The following ADD2 variants were observed in gnomAD, a reference collection of about 807,000 sequenced individuals.
ADD2 encodes beta-adducin.
ADD2 carries 23 observed loss-of-function variants against 83.0 expected under a neutral mutation model. The ratio of observed to expected loss-of-function variants is 0.28; its 90% CI spans 0.20 to 0.39. The LOEUF (loss-of-function observed/expected upper bound fraction) is 0.39. ADD2 is among the 10% of genes least tolerant of loss of function. The pLI, the probability that ADD2 is intolerant of heterozygous loss-of-function variation, is 1.00. For missense variants in ADD2, 758 were observed against 944.9 expected (o/e 0.80, Z 2.59); for synonymous variants, 375 against 375.4 (o/e 1.00, Z 0.01).
chr2:70,685,381 G>A (rs535629419), intron 9 of ADD2, among the ~76,000 whole-genome samples: 3 of 152,212 alleles, frequency 2.0e-5, no homozygotes, highest in East Asian at 1.9e-4. Flanking sequence ...ATGAAGAGAA[G>A]GAAGCAAGAA....
At chr2:70,755,522 C>T (rs1034171908) in intron 1 of ADD2, among the ~76,000 whole-genome samples, 1 of 152,166 alleles carries the variant, frequency 6.6e-6, no homozygotes, top group Non-Finnish European at 1.5e-5. Context: ...ACTCTTGGCT[C>T]GTGGCATCCC....
intron 1 of ADD2, among the ~76,000 whole-genome samples, chr2:70,733,149 T>G (rs1553379603): frequency 6.6e-6 from 1 of 152,256 alleles, no homozygotes; most frequent in Non-Finnish European, 1.5e-5. Context: ...GGGCCATTTC[T>G]ATTAGATTTG....
At chr2:70,746,169 T>G (rs529597568) in intron 1 of ADD2, among the ~76,000 whole-genome samples, 22 of 152,320 alleles carry the variant, frequency 1.4e-4, no homozygotes, top group African/African-American at 4.3e-4. Context: ...CAACTTGCTT[T>G]GTAAGGCCCA....
chr2:70,737,468 C>T (rs1243789294), intron 1 of ADD2, among the ~76,000 whole-genome samples: 68 of 150,904 alleles, frequency 4.5e-4, no homozygotes, highest in African/African-American at 1.5e-3. Flanking sequence ...AGCAGACTAT[C>T]GCAAGGACAA....
At chr2:70,667,854 G>A (rs1276398384) in intron 15 of ADD2, among the ~76,000 whole-genome samples, 1 of 152,008 alleles carries the variant, frequency 6.6e-6, no homozygotes, top group Admixed American at 6.5e-5. Context: ...CCGGACCTCA[G>A]GCGATCCACC....
At chr2:70,673,363 A>G (rs781946171) in intron 14 of ADD2, 4 of 1,596,242 alleles carry the variant, frequency 2.5e-6, no homozygotes. Flanking sequence ...TGTCGTGAGC[A>G]CAGAGCACAT....
intron 1 of ADD2, among the ~76,000 whole-genome samples, chr2:70,729,483 C>T (rs531906840): frequency 5.9e-5 from 9 of 152,234 alleles, no homozygotes; most frequent in African/African-American, 2.2e-4. Context: ...CATAGCCCAA[C>T]CTCTTCCCCA....
Position 70,662,556 on chromosome 2 carries a change from T to C in ADD2, c.*869A>G, listed in dbSNP as rs1553365199. Reference sequence around the variant, plus strand: ...GCTAGAAAGTCAGCATTTCCTCTGTTGTTTTGATCCTCCTTATACAACCCA... The same window carrying C: ...GCTAGAAAGTCAGCATTTCCTCTGTCGTTTTGATCCTCCTTATACAACCCA... On this transcript the variant is annotated 3_prime_UTR_variant, in exon 16 of 16. Transcript: ENST00000264436. 1 of 152,248 alleles carries C rather than the reference T, an allele frequency of 6.6e-6. No homozygotes were observed. The highest frequency in any genetic ancestry group is 1.9e-4 in the East Asian group (1 of 5,204). 9.4% of individuals were successfully genotyped at this position (152,248 alleles called of 1,614,324 possible).
At chr2:70,671,388 C>T (rs868968095) in intron 15 of ADD2, among the ~76,000 whole-genome samples, 34 of 152,072 alleles carry the variant, frequency 2.2e-4, no homozygotes, top group Admixed American at 1.2e-3. Context: ...GAAGCCTAAT[C>T]CATGCATAGT....
At chr2:70,732,666 C>G (rs3771421) in intron 1 of ADD2, among the ~76,000 whole-genome samples, 45,974 of 151,950 alleles carry the variant, frequency 0.3, 7,908 homozygotes, top group East Asian at 0.57. Context: ...CAGTAAGGTC[C>G]CCGGGGGCTG....
At chr2:70,663,820 A>G in intron 15 of ADD2, 85 bp from the exon 16 acceptor site, 1 of 1,384,662 alleles carries the variant, frequency 7.2e-7, no homozygotes, top group Non-Finnish European at 9.7e-7. Flanking sequence ...ATTTCTAGGG[A>G]ATTCTATAAA....
At chr2:70,701,730 A>T (rs1671594134) in intron 4 of ADD2, among the ~76,000 whole-genome samples, 1 of 152,150 alleles carries the variant, frequency 6.6e-6, no homozygotes, top group Non-Finnish European at 1.5e-5. Flanking sequence ...ATTTATCTTA[A>T]ATGAGAACTA....
intron 15 of ADD2, among the ~76,000 whole-genome samples, chr2:70,669,681 T>C (rs782248211): frequency 2.6e-5 from 4 of 152,142 alleles, no homozygotes; most frequent in East Asian, 3.8e-4. Context: ...GCAAAACCAA[T>C]AGAATGCAGT....
chr2:70,725,411 T>C (rs1672937484), intron 1 of ADD2, among the ~76,000 whole-genome samples: 1 of 152,118 alleles, frequency 6.6e-6, no homozygotes, highest in Non-Finnish European at 1.5e-5. Context: ...GCCAAAAATA[T>C]ATATATATAT....
At chr2:70,697,531 G>A (rs1205980320) in intron 4 of ADD2, among the ~76,000 whole-genome samples, 1 of 152,094 alleles carries the variant, frequency 6.6e-6, no homozygotes, top group Non-Finnish European at 1.5e-5. Flanking sequence ...ACTAATAAGA[G>A]AATCAATAGG....
chr2:70,737,505 C>T (rs1171741213), intron 1 of ADD2, among the ~76,000 whole-genome samples: 4 of 141,234 alleles, frequency 2.8e-5, no homozygotes, highest in Admixed American at 1.6e-4. Flanking sequence ...TGTTCTCACT[C>T]ATAGGTGGGA....
At chr2:70,695,829 G>A (rs374701835) in intron 5 of ADD2, 28 bp from the exon 6 acceptor site, 2 of 1,597,926 alleles carry the variant, frequency 1.3e-6, no homozygotes, top group Non-Finnish European at 1.7e-6. Flanking sequence ...GTTCTCAGGG[G>A]CAAGGAGGGA....
chr2:70,677,920 C>T (rs782130731), intron 11 of ADD2, 43 bp from the exon 12 acceptor site: 40 of 1,611,984 alleles, frequency 2.5e-5, no homozygotes, highest in Middle Eastern at 3.3e-4. Context: ...AGGGAACAGG[C>T]CCATGAGTCC....
At chr2:70,746,115 A>G (rs1861451) in intron 1 of ADD2, among the ~76,000 whole-genome samples, 40,429 of 152,048 alleles carry the variant, frequency 0.27, 5,934 homozygotes, top group East Asian at 0.57. Context: ...TTTTGTGATT[A>G]AAGGGATTCT....
Sources: allele counts gnomAD v4.1 joint callset (sites outside exome capture counted in the v4.1 genomes callset), GRCh38; gene constraint gnomAD v4.1.1; transcripts MANE v1.5; gene names NCBI Gene and HGNC (gene_info 2026-07-23, HGNC 2026-07-21).